Variants in POLM observed in about 807,000 individuals in gnomAD.
POLM encodes DNA polymerase mu, also known as DNA-directed DNA/RNA polymerase mu.
Under a neutral mutation model 56.7 loss-of-function variants are expected in POLM, and 52 were observed. The ratio of observed to expected loss-of-function variants is 0.92; its 90% CI spans 0.73 to 1.15. The LOEUF is 1.15. Ranked by LOEUF, POLM falls within the 50% of genes most tolerant of loss-of-function variation. The pLI is 0.00. For synonymous variants in POLM, 273 were observed against 274.3 expected (o/e 1.00, Z 0.05); for missense variants, 660 against 663.6 (o/e 0.99, Z 0.06).
At chr7:44,077,508 A>G (rs1379468073) in intron 5 of POLM, among the ~76,000 whole-genome samples, 1 of 152,304 alleles carries the variant, frequency 6.6e-6, no homozygotes, top group East Asian at 1.9e-4. Context: ...TAACCCAATT[A>G]TATTGTTAAT....
Position 44,073,909 on chromosome 7 carries a change from T to C in POLM, c.1188A>G (p.Gln396=), listed in dbSNP as rs1359830523. ...ATCCCCCCACAGCAGCCCCTGGAGGTTGTGGTAGGCGGAAAATGCAGAAAC... is the reference window on the plus strand; with the variant it reads ...ATCCCCCCACAGCAGCCCCTGGAGGCTGTGGTAGGCGGAAAATGCAGAAAC... The part of the protein sequence containing the change: ...ERSFCIFRLP[Q]PPGAAVGGST... The change falls in exon 9 of 11, where the codon CAA becomes CAG. Residue 396 remains glutamine, a synonymous_variant. Transcript: ENST00000242248. 5 of 1,613,782 alleles carry C rather than the reference T, an allele frequency of 3.1e-6. No individual in the cohort carries two copies. In the Admixed American group the frequency reaches 5.0e-5, roughly 16 times the overall value.
Position 44,078,818 on chromosome 7 carries a change from G to A in POLM, c.643-7C>T, listed in dbSNP as rs546407997. ...CTCCATGCTCCAGCAGCTCCTGGGG[G>A]AGGGAACAAAGCAGAACTCTAAGCC... On this transcript the variant is annotated splice_region_variant and splice_polypyrimidine_tract_variant and intron_variant, in intron 4 of 10. Coordinates refer to ENST00000242248, the MANE Select transcript of POLM (RefSeq NM_013284.4). 1.6e-5 allele frequency: 26 copies of A among 1,612,632 alleles called. No individual in the cohort carries two copies. The South Asian group carries it at 2.6e-4, about 16-fold the overall frequency.
Position 44,073,091 on chromosome 7 carries a change from C to T in POLM, c.*200G>A, listed in dbSNP as rs760673043. On this transcript the variant is annotated 3_prime_UTR_variant, in exon 11 of 11. Coordinates refer to ENST00000242248, the MANE Select transcript of POLM (RefSeq NM_013284.4). Reference sequence around the variant, plus strand: ...ACAGTGATGAGGCTGGCACTGAGGGCTCCCACCTCATCACACCCTGCAGCA... The same window carrying T: ...ACAGTGATGAGGCTGGCACTGAGGGTTCCCACCTCATCACACCCTGCAGCA... 6.9e-7 allele frequency: 1 copy of T among 1,459,416 alleles called. No homozygotes were observed. Among genetic ancestry groups the T allele is most frequent in the Non-Finnish European group, 9.0e-7 (1 of 1,108,364 alleles). 90.4% of individuals were successfully genotyped at this position (1,459,416 alleles called of 1,614,324 possible). A position where few individuals can be genotyped will look rare whatever the true frequency, so the allele number is the denominator to read the frequency against.
Position 44,080,823 on chromosome 7 carries a change from G to A in POLM, c.282C>T (p.Cys94=). Residue 94 remains cysteine (C), a synonymous_variant, in exon 2 of 11, where the codon TGC becomes TGT. Transcript: ENST00000242248. ...TTATGTCCAGCAGAGCTGGGGGGGT[G>A]CAACCCGGGGGAGCAGCTGCCATCC... ...ERRMAAAPPG[C]TPPALLDISW... 1.2e-6 allele frequency: 2 copies of A among 1,613,306 alleles called. No individual in the cohort carries two copies. Among genetic ancestry groups the A allele is most frequent in the South Asian group, 1.1e-5 (1 of 91,012 alleles).
At position 44,073,317 on chromosome 7, in the gene POLM, G is replaced by A; in HGVS notation, c.1459C>T (p.Leu487Phe). The A allele has an allele frequency of 6.2e-7, 1 of 1,614,228 alleles. No individual in the cohort carries two copies. Among genetic ancestry groups the A allele is most frequent in the Non-Finnish European group, 8.5e-7 (1 of 1,180,024 alleles). ...DIFRHLGLEY[L>F]PPEQRNA The stretch of plus-strand genomic sequence containing the variant: ...CAGGCGTTTCTCTGCTCTGGAGGAA[G>A]GTACTCAAGGCCCAGGTGTCTGAAG... Residue 487 changes from leucine to phenylalanine, a missense_variant, in exon 11 of 11, where the codon CTT (leucine) becomes TTT (phenylalanine). Leu to Phe is a conservative substitution (Grantham distance 22). Transcript: ENST00000242248.
intron 4 of POLM, among the ~76,000 whole-genome samples, 164 bp downstream of exon 4, chr7:44,079,407 C>T (rs2096192996): frequency 6.6e-6 from 1 of 152,146 alleles, no homozygotes; most frequent in Non-Finnish European, 1.5e-5. Flanking sequence ...CTAGTGTGCA[C>T]AGGAGGAATC....
chr7:44,075,679 G>T, intron 6 of POLM: 1 of 152,214 alleles, frequency 6.6e-6, no homozygotes, highest in South Asian at 2.1e-4. Flanking sequence ...GCCACTTGCC[G>T]GCTCTCACAG....
At position 44,073,397 on chromosome 7, in the gene POLM, TC is replaced by T. The variant is rs28382660; in HGVS notation, c.1399-21del. ...TGTCTTCTGCAACAGAAGCAGGACTTCCGTGACCTAGGAGTCTTGCCACTGC... is the reference window on the plus strand; with the variant it reads ...TGTCTTCTGCAACAGAAGCAGGACTTCGTGACCTAGGAGTCTTGCCACTGC... On this transcript the variant is annotated intron_variant, in intron 10 of 10. Coordinates refer to ENST00000242248, the MANE Select transcript of POLM (RefSeq NM_013284.4). 8,024 of 1,612,546 alleles carry T rather than the reference TC, an allele frequency of 5.0e-3. 366 individuals are homozygous for T. In the African/African-American group the frequency reaches 0.095, roughly 19 times the overall value.
chr7:44,076,814 C>A, intron 5 of POLM, 185 bp from the exon 6 acceptor site: 1 of 665,176 alleles, frequency 1.5e-6, no homozygotes, highest in South Asian at 1.9e-5. Flanking sequence ...AGCCTGCCGT[C>A]TCTGGGAACA....
chr7:44,073,109 C>G lies in POLM; in HGVS notation c.*182G>C. The G allele has an allele frequency of 6.8e-7, 1 of 1,480,378 alleles. No individual in the cohort carries two copies. Among genetic ancestry groups the G allele is most frequent in the Non-Finnish European group, 9.0e-7 (1 of 1,116,578 alleles). The allele number at this position is 1,480,378 out of a possible 1,614,324, so 91.7% of individuals were successfully genotyped here. ...CTGAGGGCTCCCACCTCATCACACC[C>G]TGCAGCACACCAGCAGGGGCTCAAC... is the stretch of plus-strand genomic sequence containing the variant. On this transcript the variant is annotated 3_prime_UTR_variant, in exon 11 of 11. Transcript: ENST00000242248.
rs2096170461 is a variant in POLM, at chr7:44,072,191, CT to C, written c.*1099del. 1 of 152,252 alleles carries C rather than the reference CT, an allele frequency of 6.6e-6. No individual in the cohort carries two copies. The highest frequency in any genetic ancestry group is 2.1e-4 in the South Asian group (1 of 4,834). 9.4% of individuals were successfully genotyped at this position (152,252 alleles called of 1,614,324 possible). On this transcript the variant is annotated 3_prime_UTR_variant, in exon 11 of 11. Transcript: ENST00000242248. The stretch of plus-strand genomic sequence containing the variant: ...ACAATAGGACAGCATGGGAAGTGTT[CT>C]GGGGATGGACCTGGTGTGCCCTACG...
intron 6 of POLM, 37 bp downstream of exon 6, chr7:44,076,472 A>G: frequency 6.2e-7 from 1 of 1,612,944 alleles, no homozygotes; most frequent in Non-Finnish European, 8.5e-7. Context: ...GGTGCAGTTT[A>G]GGGAAGCCCA....
chr7:44,081,311 C>G lies in POLM; in HGVS notation c.189-395G>C, dbSNP rs28382632. Among the ~76,000 whole-genome samples the G allele has an allele frequency of 4.5e-3, 692 of 152,338 alleles. 7 individuals carry two copies. The highest frequency in any genetic ancestry group is 0.016 in the African/African-American group (651 of 41,570). On this transcript the variant is annotated intron_variant, in intron 1 of 10. Transcript: ENST00000242248. ...GCCACATACTTGTTTGGCTCTTGGG[C>G]AAGCCACGTGTCTATACTTTGATTT...
At chr7:44,074,626 T>C in intron 6 of POLM, 96 bp from the exon 7 acceptor site, 1 of 1,389,196 alleles carries the variant, frequency 7.2e-7, no homozygotes, top group East Asian at 2.6e-5. Context: ...TGGGGCCCCG[T>C]CATTGCAGGA....
intron 5 of POLM, 25 bp downstream of exon 5, chr7:44,078,715 T>C: frequency 1.2e-6 from 2 of 1,601,086 alleles, no homozygotes; most frequent in Non-Finnish European, 1.7e-6. Flanking sequence ...ATTCCTGGGG[T>C]AGGTCCGAGC....
Position 44,079,785 on chromosome 7 carries a change from A to G in POLM, c.472-44T>C, listed in dbSNP as rs976358489. ...GGTAAGGGGCAGGGTGGGCAGCTCCAATCCCCCACCTACCACCCATCTGTA... is the reference window on the plus strand; with the variant it reads ...GGTAAGGGGCAGGGTGGGCAGCTCCGATCCCCCACCTACCACCCATCTGTA... On this transcript the variant is annotated intron_variant, in intron 3 of 10. Transcript: ENST00000242248. 7 of 1,610,154 alleles carry G rather than the reference A, an allele frequency of 4.3e-6. No homozygotes were observed. In the African/African-American group the frequency reaches 9.4e-5, roughly 22 times the overall value.
rs1247564736 is a variant in POLM, at chr7:44,076,543, C to T, written c.801G>A (p.Glu267=). The change falls in exon 6 of 11, where the codon GAG becomes GAA. Residue 267 remains glutamate, a synonymous_variant. Coordinates refer to ENST00000242248, the MANE Select transcript of POLM (RefSeq NM_013284.4). ...GCTGTTGGGTTAGTTTCTGGGGCTGCTCTCGGAGGTCATCTAAGGTTCGCA... is the reference window on the plus strand; with the variant it reads ...GCTGTTGGGTTAGTTTCTGGGGCTGTTCTCGGAGGTCATCTAAGGTTCGCA... ...EGLRTLDDLR[E]QPQKLTQQQK... 6.2e-7 allele frequency: 1 copy of T among 1,614,094 alleles called. No individual in the cohort carries two copies. The highest frequency in any genetic ancestry group is 2.2e-5 in the East Asian group (1 of 44,866).
Position 44,080,896 on chromosome 7 carries a change from A to T in POLM, c.209T>A (p.Val70Glu). Residue 70 changes from valine (V) to glutamate (E), a missense_variant, in exon 2 of 11, where the codon GTG (valine) becomes GAG (glutamate). Coordinates refer to ENST00000242248, the MANE Select transcript of POLM (RefSeq NM_013284.4). ...DACSSEATHV[V>E]MEETSAEEAV... Reference sequence around the variant, plus strand: ...CTCCTCTGCTGAGGTCTCTTCCATCACAACATGTGTCGCTTCGGAGCTGGT... The same window carrying T: ...CTCCTCTGCTGAGGTCTCTTCCATCTCAACATGTGTCGCTTCGGAGCTGGT... 2 of 1,581,570 alleles carry T rather than the reference A, an allele frequency of 1.3e-6. No homozygotes were observed. The highest frequency in any genetic ancestry group is 1.7e-6 in the Non-Finnish European group (2 of 1,164,904).
chr7:44,082,509 A>AG lies in POLM; in HGVS notation c.-72dup. ...TCCGAGCGAGACGGAAGGAAGCCCC[A>AG]GTGAGGCTGACGGAAGCGGGTGGGC... On this transcript the variant is annotated 5_prime_UTR_variant, in exon 1 of 11. Transcript: ENST00000242248. 1 of 80,454 alleles carries AG rather than the reference A, an allele frequency of 1.2e-5. No individual in the cohort carries two copies. Among genetic ancestry groups the AG allele is most frequent in the Non-Finnish European group, 1.9e-5 (1 of 53,986 alleles). 5.0% of individuals were successfully genotyped at this position (80,454 alleles called of 1,614,324 possible).
Sources: allele counts gnomAD v4.1 joint callset (sites outside exome capture counted in the v4.1 genomes callset), GRCh38; gene constraint gnomAD v4.1.1; transcripts MANE v1.5; gene names NCBI Gene and HGNC (gene_info 2026-07-23, HGNC 2026-07-21).